KCNS3: variants seen among roughly 807,000 people sequenced by gnomAD.
The protein encoded by KCNS3 is delayed-rectifier potassium channel regulatory subunit KCNS3.
Under a neutral mutation model 31.0 loss-of-function variants are expected in KCNS3, and 13 were observed. The ratio of observed to expected loss-of-function variants is 0.42; its 90% CI spans 0.27 to 0.67. KCNS3 has a LOEUF of 0.67. Among genes scored for constraint, KCNS3 ranks in the 30% least tolerant of loss-of-function variants. The probability of loss-of-function intolerance (pLI) is 0.25; values close to 1 mark genes in which losing one functional copy is unlikely to be tolerated. For missense variants in KCNS3, 545 were observed against 622.4 expected (o/e 0.88, Z 1.32); for synonymous variants, 238 against 241.5 (o/e 0.99, Z 0.13).
At chr2:17,899,687 T>A (rs1352650556) in intron 1 of KCNS3, among the ~76,000 whole-genome samples, 2 of 152,220 alleles carry the variant, frequency 1.3e-5, no homozygotes, top group East Asian at 3.8e-4. Flanking sequence ...CTTCAAATAG[T>A]GCCTGGCACA....
intron 1 of KCNS3, among the ~76,000 whole-genome samples, chr2:17,913,407 A>G (rs1043870914): frequency 6.6e-6 from 1 of 152,276 alleles, no homozygotes; most frequent in African/African-American, 2.4e-5. Flanking sequence ...GCAGCAGGCT[A>G]TAGATCTGAA....
upstream of KCNS3, among the ~76,000 whole-genome samples, chr2:17,878,252 CG>C (rs2125227429): frequency 6.6e-6 from 1 of 152,212 alleles, no homozygotes; most frequent in African/African-American, 2.4e-5. Flanking sequence ...TTTAGAAAGG[CG>C]GTTGCCCCAG....
intron 1 of KCNS3, among the ~76,000 whole-genome samples, chr2:17,884,998 T>C (rs1194371687): frequency 6.6e-6 from 1 of 150,780 alleles, no homozygotes; most frequent in African/African-American, 2.4e-5. Context: ...GCAGTCTTCC[T>C]GCAATGTTCT....
At chr2:17,883,997 A>G (rs1221845389) in intron 1 of KCNS3, among the ~76,000 whole-genome samples, 1 of 150,850 alleles carries the variant, frequency 6.6e-6, no homozygotes, top group Non-Finnish European at 1.5e-5. Flanking sequence ...TCAGCAAACT[A>G]TCGCAAGGAC....
intron 1 of KCNS3, among the ~76,000 whole-genome samples, chr2:17,888,629 G>GTATATCTATATATATATATATATATA (rs35102585): frequency 1.1e-5 from 1 of 92,408 alleles, no homozygotes; most frequent in Non-Finnish European, 2.0e-5. Context: ...TAAAAAAAAT[G>GTATATCTATATATATATATATATATA]TATATATATA....
At chr2:17,929,385 G>T (rs930302656) in intron 2 of KCNS3, among the ~76,000 whole-genome samples, 1 of 152,202 alleles carries the variant, frequency 6.6e-6, no homozygotes, top group Non-Finnish European at 1.5e-5. Flanking sequence ...ACATGGCAGA[G>T]CAGGAGAGAG....
At chr2:17,909,543 C>T (rs1038098475) in intron 1 of KCNS3, among the ~76,000 whole-genome samples, 3 of 152,150 alleles carry the variant, frequency 2.0e-5, no homozygotes, top group Non-Finnish European at 2.9e-5. Flanking sequence ...TCGTCTTCTG[C>T]GTTGCTCATG....
intron 1 of KCNS3, among the ~76,000 whole-genome samples, chr2:17,882,620 A>G (rs1674667615): frequency 6.6e-6 from 1 of 152,110 alleles, no homozygotes; most frequent in African/African-American, 2.4e-5. Context: ...TATTGGAGGC[A>G]GGGGATGGGG....
chr2:17,904,908 T>C (rs1662279511), intron 1 of KCNS3, among the ~76,000 whole-genome samples: 1 of 152,214 alleles, frequency 6.6e-6, no homozygotes, highest in Non-Finnish European at 1.5e-5. Context: ...CCTCCAGCTT[T>C]GTTCTTTGGG....
intron 1 of KCNS3, among the ~76,000 whole-genome samples, chr2:17,887,752 T>C (rs1327489527): frequency 6.6e-6 from 1 of 152,220 alleles, no homozygotes. Flanking sequence ...ATCTCCACAC[T>C]GTTTACCATA....
Position 17,882,212 on chromosome 2 carries a change from A to G in KCNS3, c.-252+3406A>G, listed in dbSNP as rs1247840526. 2.0e-5 allele frequency among the ~76,000 whole-genome samples: 3 copies of G among 152,206 alleles called. No homozygotes were observed. The East Asian group carries it at 5.8e-4, about 29-fold the overall frequency. On this transcript the variant is annotated intron_variant, in intron 1 of 2. Coordinates refer to ENST00000304101, the MANE Select transcript of KCNS3 (RefSeq NM_002252.5). ...TCTGGAGACTCCAGATCAGTGAGACAAGATAGAACAATACAAGATGCTAAA... is the reference window on the plus strand; with the variant it reads ...TCTGGAGACTCCAGATCAGTGAGACGAGATAGAACAATACAAGATGCTAAA...
Position 17,889,773 on chromosome 2 carries a change from GA to G in KCNS3, c.-252+10970del, listed in dbSNP as rs544263052. 5.3e-4 allele frequency among the ~76,000 whole-genome samples: 81 copies of G among 152,276 alleles called. 2 individuals carry two copies. Among genetic ancestry groups the G allele is most frequent in the African/African-American group, 1.8e-3 (75 of 41,560 alleles). ...TAAACCATCCTGGCATCCCTGGTAT[GA>G]AATCCAGTTGATCATGGTGGATTAT... On this transcript the variant is annotated intron_variant, in intron 1 of 2. Transcript: ENST00000304101.
chr2:17,916,315 G>A (rs900686151), intron 1 of KCNS3, among the ~76,000 whole-genome samples: 1 of 152,042 alleles, frequency 6.6e-6, no homozygotes, highest in Admixed American at 6.6e-5. Context: ...GCTGACCCAA[G>A]GACATGCCAC....
At chr2:17,921,915 G>GCATATATA (rs1553345243) in intron 2 of KCNS3, among the ~76,000 whole-genome samples, 4 of 32,810 alleles carry the variant, frequency 1.2e-4, no homozygotes, top group African/African-American at 4.9e-4. Flanking sequence ...GTGTGTGTGT[G>GCATATATA]TATATATATA....
At chr2:17,917,470 GA>G (rs1662615542) in intron 1 of KCNS3, among the ~76,000 whole-genome samples, 1 of 152,100 alleles carries the variant, frequency 6.6e-6, no homozygotes, top group Non-Finnish European at 1.5e-5. Flanking sequence ...CACTACTGTT[GA>G]GTTCTGAGGA....
At chr2:17,884,923 T>C (rs1000175900) in intron 1 of KCNS3, among the ~76,000 whole-genome samples, 14 of 131,844 alleles carry the variant, frequency 1.1e-4, no homozygotes, top group African/African-American at 3.8e-4. Flanking sequence ...TTGCTTGTCC[T>C]TCCCTGTTGT....
At chr2:17,918,942 G>A (rs1662652182) in intron 2 of KCNS3, among the ~76,000 whole-genome samples, 1 of 152,232 alleles carries the variant, frequency 6.6e-6, no homozygotes, top group Admixed American at 6.5e-5. Flanking sequence ...GTATGTGCTT[G>A]ATTCCAAGCA....
intron 2 of KCNS3, among the ~76,000 whole-genome samples, chr2:17,924,912 G>A (rs1461946): frequency 0.69 from 104,343 of 152,058 alleles, 36,448 homozygotes; most frequent in East Asian, 0.98. Context: ...AGGGTTTGTG[G>A]AAGATTGGTG....
At chr2:17,890,747 T>G (rs909446920) in intron 1 of KCNS3, among the ~76,000 whole-genome samples, 5 of 152,200 alleles carry the variant, frequency 3.3e-5, no homozygotes, top group Non-Finnish European at 7.4e-5. Flanking sequence ...GAAGTTTCCT[T>G]TTGGAGTTGA....
Sources: gnomAD v4.1 joint callset for allele counts (sites outside exome capture counted in the v4.1 genomes callset) on GRCh38, gnomAD v4.1.1 for gene constraint, MANE v1.5 for transcripts, NCBI Gene and HGNC (gene_info 2026-07-23, HGNC 2026-07-21) for gene names.